The following PMVK variants were observed in gnomAD, a reference collection of about 807,000 sequenced individuals.
PMVK encodes the protein testis tissue sperm-binding protein Li 95mP.
In PMVK, 10 loss-of-function variants were observed where a neutral mutation model predicts 19.0. That is an observed-to-expected ratio of 0.53 (90% CI 0.32 to 0.89). The LOEUF (loss-of-function observed/expected upper bound fraction) is 0.89. Ranked by LOEUF, PMVK falls within the 40% of genes least tolerant of loss-of-function variation. PMVK has a pLI of 0.03. For synonymous variants in PMVK, 108 were observed against 101.6 expected, an observed-to-expected ratio of 1.06 and a Z score of -0.38; for missense variants, 222 against 251.1, an observed-to-expected ratio of 0.88 and a Z score of 0.78.
Position 154,936,707 on chromosome 1 carries a change from G to C in PMVK, c.-22C>G. 1 of 1,576,828 alleles carries C rather than the reference G, an allele frequency of 6.3e-7. No homozygotes were observed. ...CCATGGGGCCGCCACGCCTCGCGAT[G>C]CCTGAAGCTGACACTTCTCCCTACC... On this transcript the variant is annotated 5_prime_UTR_variant, in exon 1 of 5. Transcript: ENST00000368467.
chr1:154,932,664 T>TA (rs1183358481), intron 1 of PMVK, among the ~76,000 whole-genome samples: 1 of 152,188 alleles, frequency 6.6e-6, no homozygotes, highest in Non-Finnish European at 1.5e-5. Context: ...AACTAACAGG[T>TA]AAAACCTATA....
chr1:154,936,382 G>A (rs79269062), intron 1 of PMVK: 2 of 985,118 alleles, frequency 2.0e-6, no homozygotes, highest in East Asian at 1.1e-4. Flanking sequence ...AAGGTCTTTG[G>A]AGAGGTGGTC....
chr1:154,925,054 G>A lies in PMVK; in HGVS notation c.*75C>T. 7.2e-7 allele frequency: 1 copy of A among 1,384,640 alleles called. No homozygotes were observed. Among genetic ancestry groups the A allele is most frequent in the Non-Finnish European group, 9.8e-7 (1 of 1,018,512 alleles). 85.8% of individuals were successfully genotyped at this position (1,384,640 alleles called of 1,614,324 possible). Reference sequence around the variant, plus strand: ...CTGTTCCTCACCTCGGCCAGGATCGGGGGACACCCCCATTTTGCAGAGTCA... The same window carrying A: ...CTGTTCCTCACCTCGGCCAGGATCGAGGGACACCCCCATTTTGCAGAGTCA... On this transcript the variant is annotated 3_prime_UTR_variant, in exon 5 of 5. Transcript: ENST00000368467.
upstream of PMVK, among the ~76,000 whole-genome samples, chr1:154,941,149 G>A (rs1277520245): frequency 3.3e-5 from 5 of 152,212 alleles, no homozygotes; most frequent in Non-Finnish European, 5.9e-5. Context: ...TCAAAGCTCT[G>A]GTTAGAAAAG....
At chr1:154,927,163 G>C (rs112468947) in intron 3 of PMVK, among the ~76,000 whole-genome samples, 9,074 of 152,082 alleles carry the variant, frequency 0.06, 896 homozygotes, top group African/African-American at 0.2. Flanking sequence ...GTTACAGAAA[G>C]GTCCTGGCCA....
chr1:154,926,018 C>T (rs1156942147), intron 4 of PMVK, among the ~76,000 whole-genome samples: 2 of 152,236 alleles, frequency 1.3e-5, no homozygotes, highest in Non-Finnish European at 2.9e-5. Flanking sequence ...CCACTACTAA[C>T]TTCTAACTCC....
Position 154,932,363 on chromosome 1 carries a change from G to C in PMVK, c.148C>G (p.Gln50Glu). Residue 50 changes from glutamine to glutamate, a missense_variant, in exon 2 of 5, where the codon CAG becomes GAG. Physicochemically the swap from Gln to Glu is conservative, Grantham distance 29 (BLOSUM62 2). Coordinates refer to ENST00000368467, the MANE Select transcript of PMVK (RefSeq NM_006556.4). ...VLRLSGPLKE[Q>E]YAQEHGLNFQ... ...AAAGCACCACCTACCTGAGCATACT[G>C]TTCCTTGAGTGGACCAGAGAGCCGG... The C allele has an allele frequency of 3.1e-6, 5 of 1,612,944 alleles. No homozygotes were observed. Among genetic ancestry groups the C allele is most frequent in the Non-Finnish European group, 4.2e-6 (5 of 1,179,134 alleles).
chr1:154,927,893 G>T (rs1167435890), intron 3 of PMVK, among the ~76,000 whole-genome samples: 2 of 148,674 alleles, frequency 1.3e-5, no homozygotes, highest in East Asian at 3.8e-4. Flanking sequence ...CATATCCTAG[G>T]CCTACTTTAT....
intron 4 of PMVK, among the ~76,000 whole-genome samples, chr1:154,925,524 G>A (rs1654125621): frequency 6.6e-6 from 1 of 152,178 alleles, no homozygotes; most frequent in Admixed American, 6.5e-5. Context: ...AGGGTGAATC[G>A]GGTCATCTAA....
upstream of PMVK, chr1:154,937,656 TG>T (rs1654552702): frequency 6.6e-6 from 1 of 152,234 alleles, no homozygotes; most frequent in Non-Finnish European, 1.5e-5. Flanking sequence ...GGCTATGACT[TG>T]CCGTCCTGCA....
In PMVK at chr1:154,925,131, A is replaced by T; in HGVS notation, c.577T>A (p.Ter193LysextTer31). Reference protein sequence around the residue: ...NLIEFIRSRL* With the variant: ...NLIEFIRSRLK ...AGCTCACTCCTAGAACCTAGTGACT[A>T]AAGTCTGGAGCGGATAAATTCTATC... Residue 193 changes from the stop codon to lysine, a stop_lost, in exon 5 of 5, where the codon TAG becomes AAG. Coordinates refer to ENST00000368467, the MANE Select transcript of PMVK (RefSeq NM_006556.4). 1.2e-6 allele frequency: 2 copies of T among 1,611,022 alleles called. No individual in the cohort carries two copies. The highest frequency in any genetic ancestry group is 1.7e-6 in the Non-Finnish European group (2 of 1,179,434).
chr1:154,941,628 G>A (rs1030792563), upstream of PMVK, among the ~76,000 whole-genome samples: 1 of 152,178 alleles, frequency 6.6e-6, no homozygotes, highest in African/African-American at 2.4e-5. Context: ...GGGCCCAGCC[G>A]GACGAGGCTG....
chr1:154,937,187 C>A (rs1035081214), upstream of PMVK, among the ~76,000 whole-genome samples: 2 of 152,150 alleles, frequency 1.3e-5, no homozygotes, highest in African/African-American at 4.8e-5. Context: ...TTTGCCTGTG[C>A]GTTATAGTAC....
chr1:154,929,394 C>T (rs1252204852), intron 2 of PMVK, among the ~76,000 whole-genome samples: 2 of 152,196 alleles, frequency 1.3e-5, no homozygotes, highest in African/African-American at 2.4e-5. Flanking sequence ...GGGGATAATC[C>T]AGAAATTGTT....
chr1:154,925,209 C>T lies in PMVK; in HGVS notation c.499G>A (p.Val167Ile), dbSNP rs140690994. The change falls in exon 5 of 5, where the codon GTC becomes ATC. Residue 167 changes from valine (V) to isoleucine (I), a missense_variant. Val to Ile is a conservative substitution (Grantham distance 29). Coordinates refer to ENST00000368467, the MANE Select transcript of PMVK (RefSeq NM_006556.4). The stretch of plus-strand genomic sequence containing the variant: ...TGTTCAACTCCATGGTTCTCGATGA[C>T]CCAGTCAAAGTCCCCGAAGTTGTCC... ...GLDNFGDFDW[V>I]IENHGVEQRL... 44 of 1,613,768 alleles carry T rather than the reference C, an allele frequency of 2.7e-5. No homozygotes were observed. The highest frequency in any genetic ancestry group is 3.6e-5 in the Non-Finnish European group (42 of 1,179,866).
chr1:154,941,004 C>T (rs563738615), upstream of PMVK, among the ~76,000 whole-genome samples: 134 of 152,348 alleles, frequency 8.8e-4, no homozygotes, highest in Middle Eastern at 3.4e-3. Flanking sequence ...CCTCTGAGAG[C>T]AGAGTCTGTG....
Position 154,925,006 on chromosome 1 carries a change from CT to C in PMVK, c.*122del. The stretch of plus-strand genomic sequence containing the variant: ...GCCTTGCCCAATATCCACCAACCCC[CT>C]CAGAATCTAGACCCCCCCTGTCTGT... On this transcript the variant is annotated 3_prime_UTR_variant, in exon 5 of 5. Transcript: ENST00000368467. 2.2e-6 allele frequency: 2 copies of C among 925,062 alleles called. No homozygotes were observed. Among genetic ancestry groups the C allele is most frequent in the Non-Finnish European group, 3.2e-6 (2 of 619,232 alleles). 57.3% of individuals were successfully genotyped at this position (925,062 alleles called of 1,614,324 possible).
At chr1:154,938,411 G>A (rs564305184), upstream of PMVK, among the ~76,000 whole-genome samples, 38 of 152,296 alleles carry the variant, frequency 2.5e-4, no homozygotes, top group East Asian at 7.3e-3. Flanking sequence ...CCAGCATGGT[G>A]AAACCCCATC....
At chr1:154,927,197 T>A (rs11589126) in intron 3 of PMVK, among the ~76,000 whole-genome samples, 11,061 of 152,012 alleles carry the variant, frequency 0.073, 801 homozygotes, top group African/African-American at 0.19. Flanking sequence ...ATGCCTGTAA[T>A]CCCAGCATTT....
Sources: allele counts gnomAD v4.1 joint callset (sites outside exome capture counted in the v4.1 genomes callset), GRCh38; gene constraint gnomAD v4.1.1; transcripts MANE v1.5; gene names NCBI Gene and HGNC (gene_info 2026-07-23, HGNC 2026-07-21).